Variants in KCNMA1 observed in about 807,000 individuals in gnomAD.
KCNMA1 encodes Calcium-activated potassium channel subunit alpha-1.
KCNMA1 carries 29 observed loss-of-function variants against 140.0 expected under a neutral mutation model. The observed-to-expected ratio is 0.21, with a 90% confidence interval of 0.15 to 0.28. The LOEUF (loss-of-function observed/expected upper bound fraction) is 0.28. Ranked by LOEUF, KCNMA1 falls within the 10% of genes least tolerant of loss-of-function variation. The probability of loss-of-function intolerance (pLI) is 1.00; values close to 1 mark genes in which losing one functional copy is unlikely to be tolerated. For missense variants in KCNMA1, 880 were observed against 1,602.2 expected (o/e 0.55, Z 7.70); for synonymous variants, 612 against 611.9 (o/e 1.00, Z 0.00).
chr10:76,917,996 T>C (rs2053680630), intron 23 of KCNMA1, among the ~76,000 whole-genome samples: 1 of 152,168 alleles, frequency 6.6e-6, no homozygotes, highest in Non-Finnish European at 1.5e-5. Context: ...GTCCACCGCA[T>C]TCCTCATAGC....
At chr10:77,325,023 G>A (rs7919150) in intron 2 of KCNMA1, among the ~76,000 whole-genome samples, 37,682 of 148,584 alleles carry the variant, frequency 0.25, 5,955 homozygotes, top group Non-Finnish European at 0.37. Flanking sequence ...CAGAGAAAGA[G>A]AGTGAGATTG....
intron 1 of KCNMA1, among the ~76,000 whole-genome samples, chr10:77,555,029 C>T (rs1481601289): frequency 6.9e-6 from 1 of 145,906 alleles, no homozygotes; most frequent in East Asian, 2.0e-4. Flanking sequence ...CCTCAATCTT[C>T]CTTGATCATC....
chr10:77,536,979 CT>C (rs1386089631), intron 1 of KCNMA1, among the ~76,000 whole-genome samples: 1 of 152,188 alleles, frequency 6.6e-6, no homozygotes, highest in African/African-American at 2.4e-5. Context: ...TTTGCAGGAC[CT>C]TGTATGGTGT....
At chr10:77,135,048 G>A (rs533594459) in intron 5 of KCNMA1, among the ~76,000 whole-genome samples, 1 of 102,092 alleles carries the variant, frequency 9.8e-6, no homozygotes, top group African/African-American at 3.5e-5. Flanking sequence ...AATCAACGGA[G>A]TGAAGAGACA....
chr10:76,962,838 A>G (rs1023760318), intron 20 of KCNMA1, among the ~76,000 whole-genome samples: 1 of 152,228 alleles, frequency 6.6e-6, no homozygotes, highest in African/African-American at 2.4e-5. Flanking sequence ...CAAGCAGTCA[A>G]CAGAGACTCA....
At chr10:77,293,890 T>C (rs2154316681) in intron 2 of KCNMA1, among the ~76,000 whole-genome samples, 1 of 152,370 alleles carries the variant, frequency 6.6e-6, no homozygotes, top group Admixed American at 6.5e-5. Flanking sequence ...AAGAAATCTC[T>C]GCCGGGTTTC....
intron 19 of KCNMA1, chr10:76,970,302 A>C: frequency 2.1e-6 from 1 of 485,566 alleles, no homozygotes; most frequent in Non-Finnish European, 3.7e-6. Flanking sequence ...AAACAGACTA[A>C]AACAGTTTGT....
intron 5 of KCNMA1, among the ~76,000 whole-genome samples, chr10:77,169,877 T>G (rs1329499583): frequency 6.6e-6 from 1 of 152,226 alleles, no homozygotes; most frequent in East Asian, 1.9e-4. Flanking sequence ...TTGGCATTTA[T>G]TTCGAGTGAT....
intron 3 of KCNMA1, among the ~76,000 whole-genome samples, chr10:77,186,257 C>T: frequency 6.6e-6 from 1 of 152,050 alleles, no homozygotes; most frequent in Non-Finnish European, 1.5e-5. Context: ...CCTATATCAT[C>T]TCCCAAATCA....
At chr10:77,475,992 C>A (rs978804406) in intron 1 of KCNMA1, among the ~76,000 whole-genome samples, 15 of 152,256 alleles carry the variant, frequency 9.9e-5, no homozygotes, top group African/African-American at 3.4e-4. Context: ...ACCACAACCA[C>A]AAAGAGAAGG....
Position 76,983,706 on chromosome 10 carries a change from G to A in KCNMA1, c.2267-13639C>T, listed in dbSNP as rs149496486. 3.7e-4 allele frequency among the ~76,000 whole-genome samples: 54 copies of A among 147,106 alleles called. No homozygotes were observed. The East Asian group carries it at 5.5e-3, about 15-fold the overall frequency. Reference sequence around the variant, plus strand: ...CGCACAACTGCACTCCAGCCTGGATGACACAGTGAGACACTGTTTAAAAAA... The same window carrying A: ...CGCACAACTGCACTCCAGCCTGGATAACACAGTGAGACACTGTTTAAAAAA... On this transcript the variant is annotated intron_variant, in intron 19 of 27. Transcript: ENST00000286628.
At chr10:77,384,501 C>T (rs1211027045) in intron 2 of KCNMA1, among the ~76,000 whole-genome samples, 1 of 152,154 alleles carries the variant, frequency 6.6e-6, no homozygotes, top group Admixed American at 6.5e-5. Flanking sequence ...GATGAAAGCA[C>T]ATCAAAGAGG....
chr10:76,955,342 A>T (rs1241957113), intron 20 of KCNMA1, among the ~76,000 whole-genome samples: 1 of 152,050 alleles, frequency 6.6e-6, no homozygotes, highest in Non-Finnish European at 1.5e-5. Context: ...TCCATGGCCC[A>T]AAAACCTAGG....
intron 1 of KCNMA1, among the ~76,000 whole-genome samples, chr10:77,424,637 G>A (rs1933127137): frequency 6.6e-6 from 1 of 152,126 alleles, no homozygotes; most frequent in South Asian, 2.1e-4. Flanking sequence ...TCTCTCAGGG[G>A]AAACAGACAA....
intron 1 of KCNMA1, among the ~76,000 whole-genome samples, chr10:77,464,089 A>C (rs905904206): frequency 1.3e-5 from 2 of 152,204 alleles, no homozygotes; most frequent in Non-Finnish European, 2.9e-5. Context: ...TTTGAGAAGC[A>C]CAAGATTAGG....
At chr10:77,398,465 T>C (rs372876033) in intron 2 of KCNMA1, among the ~76,000 whole-genome samples, 1 of 152,260 alleles carries the variant, frequency 6.6e-6, no homozygotes, top group African/African-American at 2.4e-5. Flanking sequence ...TTGAGTATTT[T>C]TTCATATGCT....
chr10:77,046,069 G>A (rs866294445), intron 14 of KCNMA1, among the ~76,000 whole-genome samples: 46 of 152,256 alleles, frequency 3.0e-4, no homozygotes, highest in Middle Eastern at 3.4e-3. Context: ...GAGATGAGTC[G>A]TAACATATAC....
chr10:77,011,895 A>T, intron 18 of KCNMA1, 72 bp downstream of exon 18: 1 of 1,312,284 alleles, frequency 7.6e-7, no homozygotes, highest in Non-Finnish European at 1.1e-6. Context: ...CTCTAATAAG[A>T]AAAGGGAAGG....
chr10:76,969,176 G>A (rs1042021574), intron 20 of KCNMA1, among the ~76,000 whole-genome samples: 2 of 151,048 alleles, frequency 1.3e-5, no homozygotes, highest in Admixed American at 6.6e-5. Flanking sequence ...ACTGCAGAAC[G>A]CTGTTGAAAT....
Sources: gnomAD v4.1 joint callset for allele counts (sites outside exome capture counted in the v4.1 genomes callset) on GRCh38, gnomAD v4.1.1 for gene constraint, MANE v1.5 for transcripts, NCBI Gene and HGNC (gene_info 2026-07-23, HGNC 2026-07-21) for gene names.